The following GREM2 variants were observed in gnomAD, a reference collection of about 807,000 sequenced individuals.
The protein encoded by GREM2 is gremlin 2, DAN family BMP antagonist.
GREM2 carries 11 observed loss-of-function variants against 14.2 expected under a neutral mutation model. The observed-to-expected ratio is 0.78, with a 90% confidence interval of 0.49 to 1.28. The LOEUF (loss-of-function observed/expected upper bound fraction) is 1.28. Ranked by LOEUF, GREM2 falls within the 50% of genes most tolerant of loss-of-function variation. The probability of loss-of-function intolerance (pLI) is 0.00; values close to 1 mark genes in which losing one functional copy is unlikely to be tolerated. For synonymous variants in GREM2, 98 were observed against 97.6 expected (o/e 1.00, Z -0.02); for missense variants, 210 against 218.5 (o/e 0.96, Z 0.24).
chr1:240,579,495 G>A (rs887156801), intron 1 of GREM2, among the ~76,000 whole-genome samples: 1 of 152,160 alleles, frequency 6.6e-6, no homozygotes, highest in Non-Finnish European at 1.5e-5. Flanking sequence ...GAGAGTTTTA[G>A]TGAAGGCACT....
intron 1 of GREM2, among the ~76,000 whole-genome samples, chr1:240,601,474 C>T (rs923289223): frequency 3.3e-5 from 5 of 152,174 alleles, no homozygotes; most frequent in African/African-American, 1.2e-4. Flanking sequence ...AGCCCTCAGT[C>T]TGAATGCTTA....
intron 1 of GREM2, 66 bp from the exon 2 acceptor site, chr1:240,493,542 T>TC: frequency 2.5e-6 from 2 of 801,070 alleles, no homozygotes; most frequent in Non-Finnish European, 3.3e-6. Context: ...ATCTTACTTA[T>TC]TTTTTTTTTT....
At chr1:240,561,641 T>G (rs2103350785) in intron 1 of GREM2, among the ~76,000 whole-genome samples, 1 of 151,848 alleles carries the variant, frequency 6.6e-6, no homozygotes, top group East Asian at 1.9e-4. Flanking sequence ...ATTTGAGACC[T>G]TTGCTGAAAA....
intron 1 of GREM2, among the ~76,000 whole-genome samples, chr1:240,606,145 TC>T (rs1680020206): frequency 6.6e-6 from 1 of 152,194 alleles, no homozygotes; most frequent in South Asian, 2.1e-4. Flanking sequence ...TGATCCTAGC[TC>T]TAAATTAGCT....
intron 1 of GREM2, among the ~76,000 whole-genome samples, chr1:240,495,187 A>G (rs1026604810): frequency 1.3e-5 from 2 of 152,102 alleles, no homozygotes; most frequent in Admixed American, 1.3e-4. Context: ...AATATTGAGG[A>G]CTCTGATCTC....
chr1:240,503,308 T>G (rs10465628), intron 1 of GREM2, among the ~76,000 whole-genome samples: 3,445 of 152,240 alleles, frequency 0.023, 127 homozygotes, highest in African/African-American at 0.079. Context: ...CTTCTTTCAT[T>G]CCTCACTTCT....
At chr1:240,555,210 T>G (rs1489819333) in intron 1 of GREM2, among the ~76,000 whole-genome samples, 3 of 152,076 alleles carry the variant, frequency 2.0e-5, no homozygotes, top group Non-Finnish European at 4.4e-5. Context: ...GGAGGCCTTA[T>G]TTTGTAATAT....
intron 1 of GREM2, 126 bp from the exon 2 acceptor site, chr1:240,493,602 G>C (rs1436265767): frequency 1.8e-6 from 2 of 1,135,026 alleles, no homozygotes; most frequent in Non-Finnish European, 2.4e-6. Flanking sequence ...GCAGGGGCAC[G>C]TAGCTTGCTG....
At chr1:240,605,144 G>A (rs12124734) in intron 1 of GREM2, among the ~76,000 whole-genome samples, 14,232 of 152,168 alleles carry the variant, frequency 0.094, 724 homozygotes, top group African/African-American at 0.14. Flanking sequence ...GGATGGATGC[G>A]TCAGGTTATA....
At chr1:240,516,348 A>G (rs894221056) in intron 1 of GREM2, among the ~76,000 whole-genome samples, 1 of 152,124 alleles carries the variant, frequency 6.6e-6, no homozygotes, top group African/African-American at 2.4e-5. Flanking sequence ...GTAACTGTGT[A>G]ACTGATTAAT....
intron 1 of GREM2, among the ~76,000 whole-genome samples, chr1:240,521,335 G>A (rs1451358619): frequency 6.6e-6 from 1 of 152,162 alleles, no homozygotes; most frequent in East Asian, 1.9e-4. Context: ...TTAGCAGGCC[G>A]AAGTGGGCGG....
chr1:240,593,392 C>T (rs1426301240), intron 1 of GREM2, among the ~76,000 whole-genome samples: 1 of 151,738 alleles, frequency 6.6e-6, no homozygotes, highest in Non-Finnish European at 1.5e-5. Context: ...AGATTCCACA[C>T]ACTGAGTCCT....
intron 1 of GREM2, among the ~76,000 whole-genome samples, chr1:240,562,971 T>G (rs1205220510): frequency 8.5e-6 from 1 of 117,552 alleles, no homozygotes; most frequent in Non-Finnish European, 1.6e-5. Context: ...AGTGTGTGTA[T>G]GTGTGTATAT....
rs532323756 is a variant in GREM2 at position 240,588,141 on chromosome 1, C to T, written c.-2+23743G>A. On this transcript the variant is annotated intron_variant, in intron 1 of 1. Coordinates refer to ENST00000318160, the MANE Select transcript of GREM2 (RefSeq NM_022469.4). ...GGTTTTTGTTACCTCCCAGAAGGGA[C>T]GATTCTGAGGTGTGTGTTTTGTACT... is the stretch of plus-strand genomic sequence containing the variant. Among the ~76,000 whole-genome samples, 12 of 152,272 alleles carry T rather than the reference C, an allele frequency of 7.9e-5. No individual in the cohort carries two copies. In the South Asian group the frequency reaches 1.9e-3, roughly 24 times the overall value.
At chr1:240,497,282 G>A (rs1368608452) in intron 1 of GREM2, among the ~76,000 whole-genome samples, 1 of 152,090 alleles carries the variant, frequency 6.6e-6, no homozygotes, top group African/African-American at 2.4e-5. Flanking sequence ...AATTTTTAAT[G>A]TTTGTGGGTA....
At chr1:240,533,091 A>G (rs1427930369) in intron 1 of GREM2, among the ~76,000 whole-genome samples, 2 of 152,236 alleles carry the variant, frequency 1.3e-5, no homozygotes, top group African/African-American at 2.4e-5. Context: ...GGAGTTGGAC[A>G]GGAAAAGGAA....
intron 1 of GREM2, among the ~76,000 whole-genome samples, chr1:240,556,203 A>G (rs1443573869): frequency 6.6e-6 from 1 of 152,232 alleles, no homozygotes; most frequent in Non-Finnish European, 1.5e-5. Context: ...AAGGGAGGCC[A>G]TGTGCTAAGG....
intron 1 of GREM2, among the ~76,000 whole-genome samples, chr1:240,518,475 G>A (rs1395197556): frequency 1.3e-5 from 2 of 152,084 alleles, no homozygotes; most frequent in Non-Finnish European, 2.9e-5. Context: ...TTTCTTTAAA[G>A]GATGGACACA....
At chr1:240,607,151 G>C (rs2102875246) in intron 1 of GREM2, among the ~76,000 whole-genome samples, 1 of 152,222 alleles carries the variant, frequency 6.6e-6, no homozygotes, top group East Asian at 1.9e-4. Flanking sequence ...ACAACTGTCA[G>C]CCATTTCTCA....
Sources: gnomAD v4.1 joint callset for allele counts (sites outside exome capture counted in the v4.1 genomes callset) on GRCh38, gnomAD v4.1.1 for gene constraint, MANE v1.5 for transcripts, NCBI Gene and HGNC (gene_info 2026-07-23, HGNC 2026-07-21) for gene names.